Variants in SPATC1 observed in about 807,000 individuals in gnomAD.
SPATC1 encodes the protein speriolin.
A neutral mutation model predicts 36.5 loss-of-function variants in SPATC1; 35 were observed. The ratio of observed to expected loss-of-function variants is 0.96; its 90% confidence interval spans 0.73 to 1.27. The LOEUF is 1.27. Ranked by LOEUF, SPATC1 falls within the 50% of genes most tolerant of loss-of-function variation. The pLI, the probability that SPATC1 is intolerant of heterozygous loss-of-function variation, is 0.00. For missense variants in SPATC1, 779 were observed against 796.0 expected (o/e 0.98, Z 0.26); for synonymous variants, 361 against 353.6 (o/e 1.02, Z -0.24).
At position 144,047,038 on chromosome 8, in the gene SPATC1, T is replaced by A; in HGVS notation, c.*82T>A. On this transcript the variant is annotated 3_prime_UTR_variant, in exon 5 of 5. Transcript: ENST00000377470. The surrounding 1 kb of genome is among the most constrained non-coding windows in gnomAD (Gnocchi z 4.1). Reference sequence around the variant, plus strand: ...AAAGCTTCCCACAGACACTGGTCGCTGGGCCTGTGCCAGCGCTCCTGGGTG... The same window carrying A: ...AAAGCTTCCCACAGACACTGGTCGCAGGGCCTGTGCCAGCGCTCCTGGGTG... 3 of 1,488,016 alleles carry A rather than the reference T, an allele frequency of 2.0e-6. No individual in the cohort carries two copies. Among genetic ancestry groups the A allele is most frequent in the South Asian group, 2.6e-5 (2 of 78,124 alleles). 92.2% of individuals were successfully genotyped at this position (1,488,016 alleles called of 1,614,324 possible).
chr8:144,041,880 G>A, intron 4 of SPATC1: 4 of 876,206 alleles, frequency 4.6e-6, no homozygotes, highest in South Asian at 5.2e-5. Context: ...TAGCCTAAGC[G>A]GGAGCTACTG....
chr8:144,017,125 G>A (rs1424607661), intron 1 of SPATC1, among the ~76,000 whole-genome samples: 7 of 152,134 alleles, frequency 4.6e-5, no homozygotes, highest in Non-Finnish European at 1.0e-4. Flanking sequence ...ATCCATTCAC[G>A]TTATTTAATA....
At chr8:144,029,888 C>T (rs1834760110) in intron 1 of SPATC1, among the ~76,000 whole-genome samples, 1 of 152,154 alleles carries the variant, frequency 6.6e-6, no homozygotes, top group Non-Finnish European at 1.5e-5. Flanking sequence ...TATCCACTAC[C>T]GAAAGTGGGG....
Position 144,040,760 on chromosome 8 carries a change from C to A in SPATC1, c.959C>A (p.Ala320Glu). Residue 320 changes from alanine (A) to glutamate (E), a missense_variant, in exon 3 of 5, where the codon GCA becomes GAA. By Grantham distance (107) the Ala-to-Glu change is moderately radical (BLOSUM62 -1). Transcript: ENST00000377470. The stretch of plus-strand genomic sequence containing the variant: ...GCCGCCCAGGAACAAGTGGTCCCTG[C>A]ATCTGTCCCCACCTCCCCCACCACC... ...PSAAQEQVVP[A>E]SVPTSPTTSP... 6.2e-7 allele frequency: 1 copy of A among 1,609,562 alleles called. No homozygotes were observed.
chr8:144,032,427 G>A lies in SPATC1; in HGVS notation c.212-7482G>A, dbSNP rs994357006. ...CGAGTTGCTGGGACTAAAGGTGCCC[G>A]CCACCATGCCCAGCTAATTTTTGTA... On this transcript the variant is annotated intron_variant, in intron 1 of 4. Coordinates refer to ENST00000377470, the MANE Select transcript of SPATC1 (RefSeq NM_198572.3). Among the ~76,000 whole-genome samples the A allele has an allele frequency of 5.9e-3, 902 of 152,108 alleles. 9 individuals carry two copies. The highest frequency in any genetic ancestry group is 0.021 in the African/African-American group (871 of 41,508).
chr8:144,040,742 A>G lies in SPATC1; in HGVS notation c.941A>G (p.Gln314Arg). ...SDTQAQPSAA[Q>R]EQVVPASVPT... ...ACACAGGCCCAGCCCAGTGCCGCCC[A>G]GGAACAAGTGGTCCCTGCATCTGTC... Residue 314 changes from glutamine to arginine, a missense_variant, in exon 3 of 5, where the codon CAG (glutamine) becomes CGG (arginine). By Grantham distance (43) the Gln-to-Arg change is conservative (BLOSUM62 1). Coordinates refer to ENST00000377470, the MANE Select transcript of SPATC1 (RefSeq NM_198572.3). 2 of 1,612,502 alleles carry G rather than the reference A, an allele frequency of 1.2e-6. No individual in the cohort carries two copies. The highest frequency in any genetic ancestry group is 1.7e-6 in the Non-Finnish European group (2 of 1,179,568).
At chr8:144,042,312 T>TATATATATATA (rs1491347915) in intron 4 of SPATC1, among the ~76,000 whole-genome samples, 7 of 35,088 alleles carry the variant, frequency 2.0e-4, no homozygotes, top group African/African-American at 7.3e-4. Context: ...TATATATATA[T>TATATATATATA]TTTTTTTTTT....
chr8:144,030,035 A>G (rs1240751210), intron 1 of SPATC1, among the ~76,000 whole-genome samples: 1 of 152,182 alleles, frequency 6.6e-6, no homozygotes, highest in Admixed American at 6.5e-5. Flanking sequence ...ACTTTTATTA[A>G]TATATAATGT....
In SPATC1 at chr8:144,035,971, A is replaced by C. The variant is rs1044740469; in HGVS notation, c.212-3938A>C. On this transcript the variant is annotated intron_variant, in intron 1 of 4. Transcript: ENST00000377470. Reference sequence around the variant, plus strand: ...TGAGCTCCATCCTCCACCTCAGCACATGCAGCCCATCCCTCTGTCTGCCCC... The same window carrying C: ...TGAGCTCCATCCTCCACCTCAGCACCTGCAGCCCATCCCTCTGTCTGCCCC... Among the ~76,000 whole-genome samples, 3 of 152,050 alleles carry C rather than the reference A, an allele frequency of 2.0e-5. No individual in the cohort carries two copies. In the East Asian group the frequency reaches 5.8e-4, roughly 29 times the overall value.
At chr8:144,024,520 C>G (rs1263084709) in intron 1 of SPATC1, among the ~76,000 whole-genome samples, 2 of 144,522 alleles carry the variant, frequency 1.4e-5, no homozygotes, top group Non-Finnish European at 3.1e-5. Flanking sequence ...CCTCTCCCCT[C>G]AAGACCCCCT....
At chr8:144,022,610 A>G (rs1422307872) in intron 1 of SPATC1, among the ~76,000 whole-genome samples, 4 of 139,120 alleles carry the variant, frequency 2.9e-5, no homozygotes, top group African/African-American at 1.1e-4. Flanking sequence ...TTCCCTGAGG[A>G]GCCTTTCCCC....
chr8:144,014,189 T>A (rs1459727532), intron 1 of SPATC1, among the ~76,000 whole-genome samples: 1 of 151,826 alleles, frequency 6.6e-6, no homozygotes, highest in Admixed American at 6.6e-5. Flanking sequence ...AGGCAGAGGT[T>A]GCAGTGAGCC....
chr8:144,012,628 A>G lies in SPATC1; in HGVS notation c.113A>G (p.Lys38Arg), dbSNP rs1834300848. 6.4e-7 allele frequency: 1 copy of G among 1,551,756 alleles called. No homozygotes were observed. Among genetic ancestry groups the G allele is most frequent in the Non-Finnish European group, 8.7e-7 (1 of 1,147,000 alleles). ...VRLIRENHEL[K>R]SAIKTQAGGL... ...CTCATTCGGGAGAATCACGAGCTCA[A>G]GTCAGCGATCAAGACTCAGGCAGGC... Residue 38 changes from lysine (K) to arginine (R), a missense_variant, in exon 1 of 5, where the codon AAG (lysine) becomes AGG (arginine). Transcript: ENST00000377470.
In SPATC1 at chr8:144,040,569, C is replaced by T. The variant is rs1835052032; in HGVS notation, c.768C>T (p.Val256=). The change falls in exon 3 of 5, where the codon GTC becomes GTT. Residue 256 remains valine, a splice_region_variant and synonymous_variant. Coordinates refer to ENST00000377470, the MANE Select transcript of SPATC1 (RefSeq NM_198572.3). ...TTTCTGTTCCCTCCACATCACTAGT[C>T]CCACTCTCCACTGAGCCCCCCCAGT... is the stretch of plus-strand genomic sequence containing the variant. ...ACVVPTATTK[V]PLSTEPPQST... is the part of the protein sequence containing the mutation. The T allele has an allele frequency of 6.3e-7, 1 of 1,587,914 alleles. No homozygotes were observed. Among genetic ancestry groups the T allele is most frequent in the Non-Finnish European group, 8.6e-7 (1 of 1,167,260 alleles).
At position 144,040,541 on chromosome 8, in the gene SPATC1, T is replaced by C. The variant is rs190493314; in HGVS notation, c.767-27T>C. 634 of 1,562,446 alleles carry C rather than the reference T, an allele frequency of 4.1e-4. 1 individual carries two copies. In the African/African-American group the frequency reaches 7.8e-3, roughly 19 times the overall value. On this transcript the variant is annotated intron_variant, in intron 2 of 4. Transcript: ENST00000377470. ...CCACCTCACTCTAATCCCCCTTTTT[T>C]TATTTCTGTTCCCTCCACATCACTA...
At position 144,012,306 on chromosome 8, in the gene SPATC1, G is replaced by T; in HGVS notation, c.-210G>T. On this transcript the variant is annotated 5_prime_UTR_variant, in exon 1 of 5. Coordinates refer to ENST00000377470, the MANE Select transcript of SPATC1 (RefSeq NM_198572.3). ...CATTCCAGGCCGAGGCAAGGCCTGTGTACAGGCCTGGTGGCATGGAGAGCT... is the reference window on the plus strand; with the variant it reads ...CATTCCAGGCCGAGGCAAGGCCTGTTTACAGGCCTGGTGGCATGGAGAGCT... 1.7e-6 allele frequency: 1 copy of T among 589,436 alleles called. No individual in the cohort carries two copies. The highest frequency in any genetic ancestry group is 3.0e-6 in the Non-Finnish European group (1 of 330,316). The allele number at this position is 589,436 out of a possible 1,614,324, so 36.5% of individuals were successfully genotyped here. A position where few individuals can be genotyped will look rare whatever the true frequency, so the allele number is the denominator to read the frequency against.
upstream of SPATC1, among the ~76,000 whole-genome samples, chr8:144,011,185 A>C (rs1834279400): frequency 6.6e-6 from 1 of 152,170 alleles, no homozygotes; most frequent in Admixed American, 6.5e-5. This position sits in a 1 kb window ranked among gnomAD's most constrained non-coding sequence, Gnocchi z 4.5. Context: ...CCAAGAGGCT[A>C]ACAGTGAAAT....
chr8:144,020,915 CT>C, intron 1 of SPATC1, among the ~76,000 whole-genome samples: 1 of 142,542 alleles, frequency 7.0e-6, no homozygotes, highest in South Asian at 2.3e-4. Context: ...CCCTCAGGAC[CT>C]TCTCCCCTCA....
At chr8:144,039,203 C>G (rs1260445825) in intron 1 of SPATC1, among the ~76,000 whole-genome samples, 4 of 152,216 alleles carry the variant, frequency 2.6e-5, no homozygotes, top group African/African-American at 9.6e-5. Context: ...CCCCGGGGAT[C>G]AGGGGGCTTC....
Sources: allele counts gnomAD v4.1 joint callset (sites outside exome capture counted in the v4.1 genomes callset), GRCh38; gene constraint gnomAD v4.1.1; non-coding constraint Gnocchi (gnomAD v3.1); transcripts MANE v1.5; gene names NCBI Gene and HGNC (gene_info 2026-07-23, HGNC 2026-07-21).